The following BBS9 variants were observed in gnomAD, a reference collection of about 807,000 sequenced individuals.
BBS9 encodes Bardet-Biedl syndrome 9.
Under a neutral mutation model 117.7 loss-of-function variants are expected in BBS9, and 89 were observed. The observed-to-expected ratio is 0.76, with a 90% CI of 0.64 to 0.90. BBS9 has a LOEUF of 0.90. BBS9 is among the 40% of genes least tolerant of loss of function. The pLI, the probability that BBS9 is intolerant of heterozygous loss-of-function variation, is 0.00. For synonymous variants in BBS9, 379 were observed against 370.9 expected (o/e 1.02, Z -0.25); for missense variants, 982 against 1,042.2 (o/e 0.94, Z 0.80).
intron 9 of BBS9, among the ~76,000 whole-genome samples, chr7:33,309,004 T>A (rs1410622623): frequency 6.6e-6 from 1 of 152,238 alleles, no homozygotes; most frequent in Non-Finnish European, 1.5e-5. Flanking sequence ...CAGAGTGAGC[T>A]TGGTTCATTT....
intron 4 of BBS9, among the ~76,000 whole-genome samples, chr7:33,164,705 A>G (rs565904211): frequency 4.8e-4 from 73 of 151,770 alleles, no homozygotes; most frequent in African/African-American, 1.7e-3. Context: ...TTATCCTTTT[A>G]TTTTGAGCCT....
chr7:33,529,678 A>G (rs1339324165), intron 20 of BBS9, among the ~76,000 whole-genome samples: 2 of 148,452 alleles, frequency 1.3e-5, no homozygotes, highest in African/African-American at 2.5e-5. Flanking sequence ...TCTAAAAGCC[A>G]TACACAGGTC....
chr7:33,502,147 A>G (rs1402514439), intron 19 of BBS9, among the ~76,000 whole-genome samples: 3 of 152,144 alleles, frequency 2.0e-5, no homozygotes, highest in African/African-American at 7.2e-5. Flanking sequence ...TGACCTTGTG[A>G]TCTGCCCGCC....
intron 9 of BBS9, among the ~76,000 whole-genome samples, chr7:33,282,704 C>G (rs1802136988): frequency 1.3e-5 from 2 of 151,876 alleles, no homozygotes; most frequent in South Asian, 4.1e-4. Flanking sequence ...TTCATTATAT[C>G]CTAGTGGAAA....
At chr7:33,281,928 C>T (rs1801984850) in intron 9 of BBS9, among the ~76,000 whole-genome samples, 3 of 151,968 alleles carry the variant, frequency 2.0e-5, no homozygotes, top group African/African-American at 7.3e-5. Flanking sequence ...AATCCTCCCA[C>T]CTCAGCCTCA....
intron 13 of BBS9, among the ~76,000 whole-genome samples, chr7:33,349,848 GA>G (rs1818307535): frequency 6.6e-6 from 1 of 152,152 alleles, no homozygotes; most frequent in Admixed American, 6.5e-5. Context: ...GCCTGAGTTT[GA>G]ATCCAGCTCT....
chr7:33,575,081 A>C (rs1585320530), intron 21 of BBS9, among the ~76,000 whole-genome samples: 1 of 152,106 alleles, frequency 6.6e-6, no homozygotes, highest in South Asian at 2.1e-4. Flanking sequence ...TACCACTCTA[A>C]ACTTCAGGAC....
At chr7:33,193,424 T>TCG (rs1784463084) in intron 5 of BBS9, among the ~76,000 whole-genome samples, 2 of 136,980 alleles carry the variant, frequency 1.5e-5, no homozygotes, top group African/African-American at 5.4e-5. Context: ...CTCTCTGCCT[T>TCG]TTTTTTTTTT....
intron 5 of BBS9, among the ~76,000 whole-genome samples, chr7:33,214,620 T>G (rs941135316): frequency 3.3e-5 from 5 of 152,160 alleles, no homozygotes; most frequent in Non-Finnish European, 7.4e-5. Flanking sequence ...TGCTCTGCCC[T>G]CCTAAGACTT....
intron 9 of BBS9, among the ~76,000 whole-genome samples, chr7:33,279,547 A>G (rs1227465847): frequency 6.6e-6 from 1 of 152,214 alleles, no homozygotes. Context: ...AGTGAATAAG[A>G]AATGTTGGAT....
chr7:33,522,560 T>G (rs1848793175), intron 20 of BBS9, among the ~76,000 whole-genome samples: 1 of 152,218 alleles, frequency 6.6e-6, no homozygotes, highest in Admixed American at 6.5e-5. Context: ...GAGAAGTGTC[T>G]GTTCATGTCC....
intron 16 of BBS9, among the ~76,000 whole-genome samples, chr7:33,358,941 T>G (rs1820123360): frequency 6.6e-6 from 1 of 151,902 alleles, no homozygotes; most frequent in South Asian, 2.1e-4. Context: ...AAATTTTATT[T>G]ATATATAACT....
At chr7:33,302,488 T>C (rs1197280393) in intron 9 of BBS9, among the ~76,000 whole-genome samples, 3 of 152,164 alleles carry the variant, frequency 2.0e-5, no homozygotes, top group African/African-American at 7.2e-5. Context: ...TTTCATTTTT[T>C]GCATACGGAT....
chr7:33,498,226 G>A (rs748953539), intron 19 of BBS9, among the ~76,000 whole-genome samples: 18 of 152,146 alleles, frequency 1.2e-4, no homozygotes, highest in Admixed American at 2.6e-4. Context: ...AATATGATAT[G>A]GCCATTAATA....
intron 4 of BBS9, among the ~76,000 whole-genome samples, chr7:33,165,027 G>A (rs1795445588): frequency 6.6e-6 from 1 of 152,142 alleles, no homozygotes; most frequent in Non-Finnish European, 1.5e-5. Flanking sequence ...AGGTCTGGTG[G>A]TGACGAAATC....
At chr7:33,350,743 T>C (rs1188046319) in intron 13 of BBS9, among the ~76,000 whole-genome samples, 1 of 152,232 alleles carries the variant, frequency 6.6e-6, no homozygotes, top group Admixed American at 6.5e-5. Context: ...CTTCTTTTTT[T>C]GTTTTTGTTT....
intron 5 of BBS9, among the ~76,000 whole-genome samples, chr7:33,233,020 G>A (rs1792779936): frequency 6.6e-6 from 1 of 152,006 alleles, no homozygotes; most frequent in Admixed American, 6.6e-5. Context: ...AGAAGCATTT[G>A]TTCTTTGACT....
chr7:33,529,488 C>A (rs560390349), intron 20 of BBS9, among the ~76,000 whole-genome samples: 3 of 17,438 alleles, frequency 1.7e-4, no homozygotes, highest in African/African-American at 8.1e-4. Context: ...CAAAGTAAAC[C>A]AAAAAATCCC....
intron 10 of BBS9, among the ~76,000 whole-genome samples, chr7:33,339,631 A>G (rs1379761364): frequency 6.6e-6 from 1 of 152,076 alleles, no homozygotes; most frequent in Non-Finnish European, 1.5e-5. Context: ...CAGCAATTCT[A>G]GGTGTTATGT....
Sources: gnomAD v4.1 joint callset for allele counts (sites outside exome capture counted in the v4.1 genomes callset) on GRCh38, gnomAD v4.1.1 for gene constraint, MANE v1.5 for transcripts, NCBI Gene and HGNC (gene_info 2026-07-23, HGNC 2026-07-21) for gene names.